AGBL1: variants seen among roughly 807,000 people sequenced by gnomAD.
AGBL1 encodes the protein cytosolic carboxypeptidase 4.
A neutral mutation model predicts 118.9 loss-of-function variants in AGBL1; 130 were observed. That is an observed-to-expected ratio of 1.09 (90% CI 0.95 to 1.26). The LOEUF is 1.26. AGBL1 is among the 50% of genes most tolerant of loss of function. AGBL1 has a pLI of 0.00. For missense variants in AGBL1, 1,584 were observed against 1,298.1 expected, an observed-to-expected ratio of 1.22 and a Z score of -3.38; for synonymous variants, 555 against 478.9, an observed-to-expected ratio of 1.16 and a Z score of -2.08.
chr15:86,988,718 G>C (rs1560779), intron 24 of AGBL1, among the ~76,000 whole-genome samples: 62,030 of 151,924 alleles, frequency 0.41, 15,163 homozygotes, highest in Non-Finnish European at 0.56. Context: ...TATATTGCTA[G>C]TGTGTAAGAA....
At chr15:86,575,305 C>G (rs1280994113) in intron 21 of AGBL1, among the ~76,000 whole-genome samples, 1 of 151,488 alleles carries the variant, frequency 6.6e-6, no homozygotes, top group Non-Finnish European at 1.5e-5. Flanking sequence ...TCAGGACCAG[C>G]CTGGGCAACA....
chr15:87,014,509 C>T (rs184833427), intron 24 of AGBL1, among the ~76,000 whole-genome samples: 6 of 152,206 alleles, frequency 3.9e-5, no homozygotes, highest in Admixed American at 6.5e-5. Flanking sequence ...GCTTTAATAA[C>T]TTGGATGAAA....
intron 22 of AGBL1, among the ~76,000 whole-genome samples, chr15:86,862,962 G>A (rs2079579226): frequency 6.6e-6 from 1 of 152,156 alleles, no homozygotes; most frequent in Non-Finnish European, 1.5e-5. Flanking sequence ...TGATGAATAT[G>A]GGCAAAAACT....
intron 22 of AGBL1, among the ~76,000 whole-genome samples, chr15:86,863,573 ATAAG>A (rs2079587500): frequency 6.6e-6 from 1 of 150,940 alleles, no homozygotes; most frequent in Non-Finnish European, 1.5e-5. Context: ...CCTTGCTGTG[ATAAG>A]TAAGAGAAGT....
At chr15:86,954,404 T>A (rs2080909479) in intron 23 of AGBL1, among the ~76,000 whole-genome samples, 1 of 152,198 alleles carries the variant, frequency 6.6e-6, no homozygotes. Flanking sequence ...TCAACCTAGG[T>A]GTCCATCAGT....
intron 17 of AGBL1, among the ~76,000 whole-genome samples, chr15:86,394,889 C>T (rs892892006): frequency 6.6e-6 from 1 of 152,142 alleles, no homozygotes; most frequent in African/African-American, 2.4e-5. Flanking sequence ...CATGGCCACT[C>T]CTACCTACAA....
chr15:86,981,202 A>G (rs1338337588), intron 23 of AGBL1, among the ~76,000 whole-genome samples: 3 of 152,168 alleles, frequency 2.0e-5, no homozygotes, highest in African/African-American at 7.2e-5. Flanking sequence ...CACATCTCTT[A>G]GTATCTCCTC....
rs544447393 is a variant in AGBL1 at position 86,646,397 on chromosome 15, A to G, written c.2995-27876A>G. ...CCCTAGACAGTCCTTCTCGAACTTG[A>G]GAGTGCTTTCCAGTCTCATTTATCC... On this transcript the variant is annotated intron_variant, in intron 21 of 22. Transcript: ENST00000614907. 3.3e-5 allele frequency among the ~76,000 whole-genome samples: 5 copies of G among 152,286 alleles called. No individual in the cohort carries two copies. The South Asian group carries it at 1.0e-3, about 32-fold the overall frequency.
chr15:86,567,280 C>A (rs2083930636), intron 21 of AGBL1, among the ~76,000 whole-genome samples: 1 of 152,138 alleles, frequency 6.6e-6, no homozygotes, highest in Non-Finnish European at 1.5e-5. Flanking sequence ...ACACTAATAT[C>A]CATATACCTG....
At chr15:86,540,099 C>G (rs1027508617) in intron 19 of AGBL1, among the ~76,000 whole-genome samples, 3 of 152,104 alleles carry the variant, frequency 2.0e-5, no homozygotes, top group African/African-American at 7.2e-5. Context: ...ACAAAATGAG[C>G]ATAATAATAG....
intron 21 of AGBL1, among the ~76,000 whole-genome samples, chr15:86,601,349 A>C (rs2084489761): frequency 6.6e-6 from 1 of 152,132 alleles, no homozygotes; most frequent in Non-Finnish European, 1.5e-5. Flanking sequence ...TAATATATTT[A>C]CCTTTCCAAG....
intron 22 of AGBL1, among the ~76,000 whole-genome samples, chr15:86,763,451 A>G (rs1358897554): frequency 1.3e-5 from 2 of 151,990 alleles, no homozygotes; most frequent in African/African-American, 4.8e-5. Flanking sequence ...TACTCACTTT[A>G]GTGAAAAAAA....
At chr15:86,219,864 A>G (rs2078250861) in intron 5 of AGBL1, among the ~76,000 whole-genome samples, 1 of 151,448 alleles carries the variant, frequency 6.6e-6, no homozygotes, top group Non-Finnish European at 1.5e-5. Context: ...TCTTTCTAGA[A>G]TTATGTTAAA....
At chr15:86,261,478 C>G (rs1826793425) in intron 9 of AGBL1, among the ~76,000 whole-genome samples, 1 of 152,184 alleles carries the variant, frequency 6.6e-6, no homozygotes, top group Non-Finnish European at 1.5e-5. Flanking sequence ...AATTGTGAAA[C>G]ATAGATGGAA....
At chr15:86,348,800 CAGAG>C (rs1341521047) in intron 17 of AGBL1, among the ~76,000 whole-genome samples, 1 of 142,152 alleles carries the variant, frequency 7.0e-6, no homozygotes, top group East Asian at 2.0e-4. Flanking sequence ...AAAAAAAAAG[CAGAG>C]AGGAGGATGC....
chr15:86,961,642 T>C (rs1180675329), intron 23 of AGBL1, among the ~76,000 whole-genome samples: 3 of 152,040 alleles, frequency 2.0e-5, no homozygotes, highest in African/African-American at 7.2e-5. Flanking sequence ...TTTGGCAACA[T>C]TCATTCAACC....
intron 22 of AGBL1, among the ~76,000 whole-genome samples, chr15:86,835,955 G>C (rs748576548): frequency 6.6e-6 from 1 of 152,108 alleles, no homozygotes; most frequent in African/African-American, 2.4e-5. Context: ...CACACAAAGT[G>C]AAGGAAAAAC....
chr15:86,759,938 A>G (rs186886320), intron 22 of AGBL1, among the ~76,000 whole-genome samples: 246 of 151,996 alleles, frequency 1.6e-3, no homozygotes, highest in African/African-American at 5.6e-3. Flanking sequence ...TGACATTTGG[A>G]AAAATGAGGT....
chr15:86,511,903 C>T (rs1276833852), intron 18 of AGBL1, among the ~76,000 whole-genome samples: 1 of 151,938 alleles, frequency 6.6e-6, no homozygotes, highest in Non-Finnish European at 1.5e-5. Flanking sequence ...ACATTACAGA[C>T]ATGACAACCA....
Sources: allele counts gnomAD v4.1 joint callset (sites outside exome capture counted in the v4.1 genomes callset), GRCh38; gene constraint gnomAD v4.1.1; transcripts MANE v1.5; gene names NCBI Gene and HGNC (gene_info 2026-07-23, HGNC 2026-07-21).